Variants in INPP4B observed in about 807,000 individuals in gnomAD.
INPP4B encodes inositol polyphosphate-4-phosphatase type II B.
Under a neutral mutation model 122.5 loss-of-function variants are expected in INPP4B, and 55 were observed. The observed-to-expected ratio is 0.45, with a 90% CI of 0.36 to 0.56. INPP4B has a LOEUF of 0.56. Ranked by LOEUF, INPP4B falls within the 20% of genes least tolerant of loss-of-function variation. The probability of loss-of-function intolerance (pLI) is 0.00; values close to 1 mark genes in which losing one functional copy is unlikely to be tolerated. For synonymous variants in INPP4B, 403 were observed against 388.7 expected (o/e 1.04, Z -0.43); for missense variants, 1,000 against 1,097.7 (o/e 0.91, Z 1.26).
chr4:142,253,682 C>T (rs545590453), intron 11 of INPP4B, among the ~76,000 whole-genome samples: 28 of 152,322 alleles, frequency 1.8e-4, no homozygotes, highest in South Asian at 1.4e-3. Flanking sequence ...GATTATATCC[C>T]GCACCTGGCT....
At chr4:142,803,265 G>A (rs563271986) in intron 1 of INPP4B, among the ~76,000 whole-genome samples, 10 of 151,734 alleles carry the variant, frequency 6.6e-5, no homozygotes, top group Admixed American at 6.6e-4. Context: ...GTTTTTGCAG[G>A]AGCCATCAAT....
chr4:142,208,548 T>G lies in INPP4B; in HGVS notation c.968-19A>C, dbSNP rs755546269. The stretch of plus-strand genomic sequence containing the variant: ...GAGGACCCTGATGGAAACCAGAAAT[T>G]AAACATTATTAGTAAATAATGATAA... On this transcript the variant is annotated intron_variant, in intron 13 of 25. Coordinates refer to ENST00000262992, the MANE Select transcript of INPP4B (RefSeq NM_001101669.3). 7.8e-7 allele frequency: 1 copy of G among 1,279,272 alleles called. No individual in the cohort carries two copies. Among genetic ancestry groups the G allele is most frequent in the Non-Finnish European group, 1.1e-6 (1 of 896,688 alleles). 79.2% of individuals were successfully genotyped at this position (1,279,272 alleles called of 1,614,324 possible).
At chr4:142,204,926 T>C (rs1842053312) in intron 14 of INPP4B, among the ~76,000 whole-genome samples, 1 of 152,134 alleles carries the variant, frequency 6.6e-6, no homozygotes, top group African/African-American at 2.4e-5. Flanking sequence ...TGGTGCTTTG[T>C]TATAGTAGCC....
At chr4:142,045,276 C>T (rs141491731) in intron 25 of INPP4B, among the ~76,000 whole-genome samples, 29 of 152,202 alleles carry the variant, frequency 1.9e-4, no homozygotes, top group African/African-American at 6.0e-4. Flanking sequence ...ACAAACACAA[C>T]GCTACTAATT....
intron 1 of INPP4B, among the ~76,000 whole-genome samples, chr4:142,829,161 C>G (rs1206083434): frequency 6.6e-6 from 1 of 151,562 alleles, no homozygotes; most frequent in African/African-American, 2.4e-5. Context: ...AATGACTAGA[C>G]AAGTTTGAAG....
intron 2 of INPP4B, among the ~76,000 whole-genome samples, chr4:142,595,116 C>A (rs1017636734): frequency 1.3e-5 from 2 of 151,612 alleles, no homozygotes; most frequent in African/African-American, 4.9e-5. Flanking sequence ...ACATAAAATG[C>A]CTATTTACGT....
intron 24 of INPP4B, among the ~76,000 whole-genome samples, chr4:142,083,145 A>C (rs1774964473): frequency 6.6e-6 from 1 of 152,046 alleles, no homozygotes; most frequent in African/African-American, 2.4e-5. Flanking sequence ...AAGTAAATAA[A>C]TAAACTTCGC....
intron 1 of INPP4B, among the ~76,000 whole-genome samples, chr4:142,776,502 C>G (rs114628172): frequency 6.6e-6 from 1 of 152,126 alleles, no homozygotes; most frequent in African/African-American, 2.4e-5. Context: ...CAGTGCTCAT[C>G]ATTTGCACTG....
intron 1 of INPP4B, among the ~76,000 whole-genome samples, chr4:142,777,633 G>C (rs910502216): frequency 6.6e-6 from 1 of 152,124 alleles, no homozygotes; most frequent in Non-Finnish European, 1.5e-5. Context: ...CACTAAATTT[G>C]TTACACAACC....
chr4:142,179,720 T>C (rs542149089), intron 15 of INPP4B, among the ~76,000 whole-genome samples: 2 of 152,278 alleles, frequency 1.3e-5, no homozygotes, highest in Admixed American at 1.3e-4. Context: ...ACATCCTTTA[T>C]TTAGTCCTAT....
intron 11 of INPP4B, among the ~76,000 whole-genome samples, chr4:142,239,500 A>G (rs1858234187): frequency 6.6e-6 from 1 of 152,196 alleles, no homozygotes; most frequent in African/African-American, 2.4e-5. Context: ...ATATATATTT[A>G]GAGTTCATTA....
chr4:142,127,474 AC>A (rs3836672), intron 18 of INPP4B, among the ~76,000 whole-genome samples: 79,342 of 149,932 alleles, frequency 0.53, 23,691 homozygotes, highest in Non-Finnish European at 0.66. Context: ...GACAAAAAAA[AC>A]AACACCAAAA....
chr4:142,662,136 G>C (rs1336895752), intron 2 of INPP4B, among the ~76,000 whole-genome samples: 4 of 152,102 alleles, frequency 2.6e-5, no homozygotes, highest in African/African-American at 9.7e-5. Flanking sequence ...TCGGGAGGCT[G>C]AGGCAGGAGA....
At chr4:142,624,338 A>G (rs964504119) in intron 2 of INPP4B, among the ~76,000 whole-genome samples, 1 of 150,966 alleles carries the variant, frequency 6.6e-6, no homozygotes, top group Non-Finnish European at 1.5e-5. Flanking sequence ...GCATTTTTTC[A>G]TGTGTTTTTT....
At chr4:142,289,745 T>C (rs1204219378) in intron 9 of INPP4B, among the ~76,000 whole-genome samples, 1 of 152,202 alleles carries the variant, frequency 6.6e-6, no homozygotes, top group Non-Finnish European at 1.5e-5. Flanking sequence ...TACTCCATGG[T>C]GACCCAATCT....
chr4:142,270,546 C>A, intron 10 of INPP4B, 117 bp downstream of exon 10: 1 of 706,776 alleles, frequency 1.4e-6, no homozygotes, highest in Middle Eastern at 2.4e-4. Context: ...GAGCTGTTGT[C>A]CCATTTAGGT....
Position 142,230,796 on chromosome 4 carries a change from T to A in INPP4B, c.836+7068A>T, listed in dbSNP as rs527431057. 2.6e-5 allele frequency among the ~76,000 whole-genome samples: 4 copies of A among 152,196 alleles called. No individual in the cohort carries two copies. The South Asian group carries it at 8.3e-4, about 31-fold the overall frequency. ...TTATTTTCATGGCAAAAACTCAATA[T>A]ACATTTTATATATCTGTAACTGTGG... On this transcript the variant is annotated intron_variant, in intron 12 of 25. Transcript: ENST00000262992.
chr4:142,697,620 C>T (rs1019269695), intron 2 of INPP4B, among the ~76,000 whole-genome samples: 9 of 152,056 alleles, frequency 5.9e-5, no homozygotes, highest in Non-Finnish European at 1.3e-4. Flanking sequence ...TGCTTTATTA[C>T]TTTATATGGC....
rs560274395 is a variant in INPP4B, at chr4:142,596,387, C to A, written c.-191+129452G>T. ...TCCTCTTAAAATGCTGCCCTGAGACCAATGACATATGAAGAAGCTCAGAAT... is the reference window on the plus strand; with the variant it reads ...TCCTCTTAAAATGCTGCCCTGAGACAAATGACATATGAAGAAGCTCAGAAT... On this transcript the variant is annotated intron_variant, in intron 2 of 25. Transcript: ENST00000262992. Among the ~76,000 whole-genome samples, 4 of 152,136 alleles carry A rather than the reference C, an allele frequency of 2.6e-5. No individual in the cohort carries two copies. In the East Asian group the frequency reaches 7.8e-4, roughly 30 times the overall value.
Sources: allele counts gnomAD v4.1 joint callset (sites outside exome capture counted in the v4.1 genomes callset), GRCh38; gene constraint gnomAD v4.1.1; transcripts MANE v1.5; gene names NCBI Gene and HGNC (gene_info 2026-07-23, HGNC 2026-07-21).